Variants in ATP9B observed in about 807,000 individuals in gnomAD.
ATP9B encodes probable phospholipid-transporting ATPase IIB.
In ATP9B, 110 loss-of-function variants were observed where a neutral mutation model predicts 146.1. The observed-to-expected ratio is 0.75, with a 90% CI of 0.65 to 0.88. The LOEUF is 0.88. ATP9B is among the 40% of genes least tolerant of loss of function. The pLI, the probability that ATP9B is intolerant of heterozygous loss-of-function variation, is 0.00. For synonymous variants in ATP9B, 604 were observed against 569.7 expected (o/e 1.06, Z -0.86); for missense variants, 1,499 against 1,496.4 (o/e 1.00, Z -0.03).
intron 26 of ATP9B, among the ~76,000 whole-genome samples, chr18:79,364,788 C>G (rs2097016448): frequency 6.6e-6 from 1 of 152,168 alleles, no homozygotes. Flanking sequence ...CTTTGGGAGG[C>G]TGAAGCAGGA....
chr18:79,173,318 A>G (rs1439453637), intron 7 of ATP9B, among the ~76,000 whole-genome samples: 1 of 151,982 alleles, frequency 6.6e-6, no homozygotes, highest in Non-Finnish European at 1.5e-5. Context: ...ACATATTCAA[A>G]GTATTTAATT....
chr18:79,218,489 C>T (rs1432250349), intron 11 of ATP9B, among the ~76,000 whole-genome samples: 1 of 150,676 alleles, frequency 6.6e-6, no homozygotes, highest in African/African-American at 2.4e-5. Context: ...CCTCGTGTTC[C>T]GTGTCCGGCA....
At chr18:79,115,616 G>A (rs1192764117) in intron 4 of ATP9B, 4 of 113,664 alleles carry the variant, frequency 3.5e-5, no homozygotes, top group Admixed American at 1.7e-4. Context: ...AAATAATGCC[G>A]CATATCTACA....
At chr18:79,152,301 A>C (rs2094702906) in intron 6 of ATP9B, among the ~76,000 whole-genome samples, 1 of 152,094 alleles carries the variant, frequency 6.6e-6, no homozygotes, top group Admixed American at 6.5e-5. Flanking sequence ...TTTTCATATG[A>C]TTTTGTGTGT....
At chr18:79,085,334 T>G (rs1332569470) in intron 1 of ATP9B, 1 of 152,232 alleles carries the variant, frequency 6.6e-6, no homozygotes, top group African/African-American at 2.4e-5. Context: ...ACATGAAATT[T>G]GCAGGGGACA....
intron 1 of ATP9B, among the ~76,000 whole-genome samples, chr18:79,086,771 A>G (rs937094075): frequency 6.6e-6 from 1 of 152,204 alleles, no homozygotes; most frequent in Non-Finnish European, 1.5e-5. Context: ...TTTAGAAATC[A>G]TTAGCTCCAA....
chr18:79,331,136 A>C (rs1365155052), intron 17 of ATP9B, among the ~76,000 whole-genome samples: 1 of 152,222 alleles, frequency 6.6e-6, no homozygotes, highest in Admixed American at 6.5e-5. Flanking sequence ...TAATTGTAGT[A>C]AACATGGCCC....
chr18:79,246,716 C>CT (rs2095968943), intron 11 of ATP9B, among the ~76,000 whole-genome samples: 1 of 152,110 alleles, frequency 6.6e-6, no homozygotes, highest in African/African-American at 2.4e-5. Context: ...GCTGGCCGCG[C>CT]CCCGCGCTCC....
At chr18:79,358,987 G>C (rs569097553) in intron 25 of ATP9B, among the ~76,000 whole-genome samples, 1 of 152,030 alleles carries the variant, frequency 6.6e-6, no homozygotes, top group Non-Finnish European at 1.5e-5. Flanking sequence ...GGATGCTGGT[G>C]GTGAGGTTCA....
At chr18:79,359,683 A>G (rs1850709523) in intron 26 of ATP9B, 4 of 527,840 alleles carry the variant, frequency 7.6e-6, no homozygotes, top group Admixed American at 3.1e-5. Context: ...AAATTTCTCA[A>G]ATGTTTGCAA....
At chr18:79,178,397 CGTT>C (rs1228690712) in intron 8 of ATP9B, among the ~76,000 whole-genome samples, 1 of 152,026 alleles carries the variant, frequency 6.6e-6, no homozygotes, top group Non-Finnish European at 1.5e-5. Flanking sequence ...TTGTGTTGAA[CGTT>C]GTTTTGTGTG....
At chr18:79,168,318 A>T (rs1370375523) in intron 7 of ATP9B, among the ~76,000 whole-genome samples, 2 of 152,174 alleles carry the variant, frequency 1.3e-5, no homozygotes, top group Non-Finnish European at 2.9e-5. Flanking sequence ...GCCAGTGACT[A>T]TAAAAATAAA....
At chr18:79,191,785 A>AT (rs1424661496) in intron 8 of ATP9B, among the ~76,000 whole-genome samples, 1 of 152,162 alleles carries the variant, frequency 6.6e-6, no homozygotes, top group Non-Finnish European at 1.5e-5. Context: ...AAGTTTGACC[A>AT]TCTCAGGGCC....
At chr18:79,299,686 G>C (rs926637750) in intron 13 of ATP9B, among the ~76,000 whole-genome samples, 1 of 152,192 alleles carries the variant, frequency 6.6e-6, no homozygotes, top group African/African-American at 2.4e-5. Flanking sequence ...GATGTATTCC[G>C]TATTTTACAG....
At chr18:79,100,479 C>G (rs1192415457) in intron 2 of ATP9B, among the ~76,000 whole-genome samples, 5 of 152,002 alleles carry the variant, frequency 3.3e-5, no homozygotes, top group Non-Finnish European at 7.4e-5. Flanking sequence ...TTAATTGTTC[C>G]TCTTTTATCT....
intron 12 of ATP9B, among the ~76,000 whole-genome samples, chr18:79,261,360 C>T (rs1568520626): frequency 6.6e-6 from 1 of 152,120 alleles, no homozygotes; most frequent in African/African-American, 2.4e-5. Context: ...CGAGACCATC[C>T]TGAATTAGAG....
intron 15 of ATP9B, among the ~76,000 whole-genome samples, chr18:79,318,057 A>T (rs755277613): frequency 4.7e-4 from 72 of 152,280 alleles, no homozygotes; most frequent in Non-Finnish European, 9.0e-4. Context: ...TATGAAACAA[A>T]TAATGCATGA....
intron 15 of ATP9B, among the ~76,000 whole-genome samples, chr18:79,326,588 C>G (rs2096748392): frequency 6.6e-6 from 1 of 151,688 alleles, no homozygotes; most frequent in Admixed American, 6.6e-5. Context: ...CCCTCCCTCC[C>G]TGAGCTCACA....
At chr18:79,207,091 G>A (rs1419236047) in intron 10 of ATP9B, 79 bp downstream of exon 10, 22 of 1,391,640 alleles carry the variant, frequency 1.6e-5, no homozygotes, top group Middle Eastern at 1.8e-4. Context: ...TCCAAACAAG[G>A]GTTTCTCACA....
Sources: gnomAD v4.1 joint callset for allele counts (sites outside exome capture counted in the v4.1 genomes callset) on GRCh38, gnomAD v4.1.1 for gene constraint, MANE v1.5 for transcripts, NCBI Gene and HGNC (gene_info 2026-07-23, HGNC 2026-07-21) for gene names.